The following STARD7 variants were observed in gnomAD, a reference collection of about 807,000 sequenced individuals.
STARD7 encodes StAR related lipid transfer domain containing 7.
Under a neutral mutation model 45.3 loss-of-function variants are expected in STARD7, and 30 were observed. The observed-to-expected ratio is 0.66, with a 90% CI of 0.50 to 0.90. The LOEUF (loss-of-function observed/expected upper bound fraction) is 0.90, where lower values mean the gene tolerates loss of function less well. STARD7 is among the 40% of genes least tolerant of loss of function. STARD7 has a pLI of 0.00. For synonymous variants in STARD7, 199 were observed against 183.0 expected (o/e 1.09, Z -0.70); for missense variants, 495 against 491.3 (o/e 1.01, Z -0.07).
chr2:96,186,769 G>T lies in STARD7; in HGVS notation c.1074C>A (p.Asn358Lys). ...KATSQSSERK[N>K]EGSCGPARIE... ...TCCGAGCAGGGCCACAGCTGCCCTC[G>T]TTCTTTCGCTCAGAGGACTGGCTGG... Residue 358 changes from asparagine (N) to lysine (K), a missense_variant, in exon 8 of 8, where the codon AAC becomes AAA. Transcript: ENST00000337288. 6.2e-7 allele frequency: 1 copy of T among 1,613,572 alleles called. No individual in the cohort carries two copies. The highest frequency in any genetic ancestry group is 1.1e-5 in the South Asian group (1 of 90,972).
At chr2:96,204,629 T>C (rs1381581482) in intron 1 of STARD7, among the ~76,000 whole-genome samples, 1 of 151,522 alleles carries the variant, frequency 6.6e-6, no homozygotes, top group Non-Finnish European at 1.5e-5. Context: ...CTAGGGCAAC[T>C]AGTTAATGGT....
chr2:96,205,803 A>C (rs997273274), intron 1 of STARD7, among the ~76,000 whole-genome samples: 1 of 152,238 alleles, frequency 6.6e-6, no homozygotes, highest in Non-Finnish European at 1.5e-5. Flanking sequence ...GTTGAATAGC[A>C]TATTTGCCTT....
At position 96,193,299 on chromosome 2, in the gene STARD7, C is replaced by A. The variant is rs1232853873; in HGVS notation, c.603G>T (p.Val201=). The A allele has an allele frequency of 6.8e-6, 11 of 1,613,844 alleles. No homozygotes were observed. The highest frequency in any genetic ancestry group is 1.3e-5 in the African/African-American group (1 of 74,928). The change falls in exon 4 of 8, where the codon GTG becomes GTT. Residue 201 remains valine, a synonymous_variant. Transcript: ENST00000337288. The part of the protein sequence containing the change: ...KWDALVIKLE[V]IERDVVSGSE... ...AACCACTAACCACATCCCTCTCAAT[C>A]ACCTCCAGCTTGATTACCAGGGCAT...
chr2:96,199,607 G>A (rs1486709399), intron 1 of STARD7, among the ~76,000 whole-genome samples: 1 of 150,054 alleles, frequency 6.7e-6, no homozygotes, highest in African/African-American at 2.5e-5. Flanking sequence ...GCTGCAAATA[G>A]AGATAGTTTT....
intron 6 of STARD7, among the ~76,000 whole-genome samples, chr2:96,191,279 G>GA (rs1333932990): frequency 6.6e-6 from 1 of 152,190 alleles, no homozygotes; most frequent in Non-Finnish European, 1.5e-5. Flanking sequence ...AGTGAGAAAG[G>GA]AAATGGGAAA....
Position 96,184,989 on chromosome 2 carries a change from G to C in STARD7, c.*1741C>G, listed in dbSNP as rs1377966052. On this transcript the variant is annotated 3_prime_UTR_variant, in exon 8 of 8. Transcript: ENST00000337288. ...CAAGTGCAGAATCAAATTGCCCTAA[G>C]TCAGAACATGGAGCAACCGCAACTC... 2.6e-5 allele frequency: 4 copies of C among 152,608 alleles called. No individual in the cohort carries two copies. The highest frequency in any genetic ancestry group is 7.2e-5 in the African/African-American group (3 of 41,452). 9.5% of individuals were successfully genotyped at this position (152,608 alleles called of 1,614,324 possible).
At position 96,195,321 on chromosome 2, in the gene STARD7, G is replaced by C; in HGVS notation, c.499+20C>G. 1 of 1,549,812 alleles carries C rather than the reference G, an allele frequency of 6.5e-7. No homozygotes were observed. The highest frequency in any genetic ancestry group is 8.7e-7 in the Non-Finnish European group (1 of 1,145,350). On this transcript the variant is annotated intron_variant, in intron 2 of 7. Coordinates refer to ENST00000337288, the MANE Select transcript of STARD7 (RefSeq NM_020151.4). ...ACCTGTGCAACTATGGAACCCAAAA[G>C]ATAGCCACACTGGGCTCACCTCGGT...
At chr2:96,189,188 A>G (rs549187841) in intron 6 of STARD7, among the ~76,000 whole-genome samples, 2 of 152,198 alleles carry the variant, frequency 1.3e-5, no homozygotes, top group South Asian at 4.1e-4. Flanking sequence ...GGCTAAAGAG[A>G]TCCTCCTGCC....
At chr2:96,197,103 A>AC (rs1683230748) in intron 1 of STARD7, among the ~76,000 whole-genome samples, 1 of 145,524 alleles carries the variant, frequency 6.9e-6, no homozygotes, top group Non-Finnish European at 1.5e-5. Context: ...AAATAAAATA[A>AC]AATAAAATAA....
At chr2:96,201,982 G>A (rs919869409) in intron 1 of STARD7, among the ~76,000 whole-genome samples, 2 of 152,070 alleles carry the variant, frequency 1.3e-5, no homozygotes, top group African/African-American at 4.8e-5. Flanking sequence ...AAGTGAGGAC[G>A]TTATTTCTTG....
Position 96,208,454 on chromosome 2 carries a change from G to A in STARD7, c.-20C>T, listed in dbSNP as rs1191561343. 7.4e-7 allele frequency: 1 copy of A among 1,358,148 alleles called. No homozygotes were observed. Among genetic ancestry groups the A allele is most frequent in the African/African-American group, 1.5e-5 (1 of 65,198 alleles). The allele number at this position is 1,358,148 out of a possible 1,614,324, so 84.1% of individuals were successfully genotyped here. On this transcript the variant is annotated 5_prime_UTR_variant, in exon 1 of 8. Coordinates refer to ENST00000337288, the MANE Select transcript of STARD7 (RefSeq NM_020151.4). ...GAGCATGCCGCCTCCCGCAGGGCCC[G>A]CCGCGAGCTTCCGGGGCCCAAGGAA...
At chr2:96,206,546 A>C (rs1452050239) in intron 1 of STARD7, among the ~76,000 whole-genome samples, 1 of 151,998 alleles carries the variant, frequency 6.6e-6, no homozygotes, top group Non-Finnish European at 1.5e-5. Context: ...CACGCCTGTA[A>C]TCCCAGCACT....
At chr2:96,198,416 T>G (rs1203767866) in intron 1 of STARD7, among the ~76,000 whole-genome samples, 1 of 152,228 alleles carries the variant, frequency 6.6e-6, no homozygotes, top group Non-Finnish European at 1.5e-5. Context: ...AGGAGCAGAT[T>G]TGATGGATCA....
Position 96,208,394 on chromosome 2 carries a change from G to A in STARD7, c.41C>T (p.Thr14Met). 2.0e-6 allele frequency: 3 copies of A among 1,465,960 alleles called. No homozygotes were observed. Among genetic ancestry groups the A allele is most frequent in the East Asian group, 2.9e-5 (1 of 34,176 alleles). 90.8% of individuals were successfully genotyped at this position (1,465,960 alleles called of 1,614,324 possible). A position where few individuals can be genotyped will look rare whatever the true frequency, so the allele number is the denominator to read the frequency against. Residue 14 changes from threonine (T) to methionine (M), a missense_variant, in exon 1 of 8, where the codon ACG becomes ATG. Transcript: ENST00000337288. ...AAGCGCCAGCAGGCCCCCGCCCCGC[G>A]TCCCCGCCAGCCAGGCGGCCAGCAG... ...RRLLAAWLAG[T>M]RGGGLLALLA...
chr2:96,201,192 T>C (rs1015855884), intron 1 of STARD7, among the ~76,000 whole-genome samples: 19 of 151,800 alleles, frequency 1.3e-4, no homozygotes, highest in African/African-American at 4.4e-4. Context: ...CATGTCCTGG[T>C]AAACATTACA....
At chr2:96,192,870 C>CA (rs746162464) in intron 5 of STARD7, among the ~76,000 whole-genome samples, 16 of 151,970 alleles carry the variant, frequency 1.1e-4, no homozygotes, top group Non-Finnish European at 1.8e-4. Context: ...TTAAAGAACC[C>CA]AAAAAAACAG....
In STARD7 at chr2:96,197,064, C is replaced by CACAAAACAAA. The variant is rs1438751407; in HGVS notation, c.291-1516_291-1515insTTTGTTTTGT. Among the ~76,000 whole-genome samples, 30 of 54,386 alleles carry CACAAAACAAA rather than the reference C, an allele frequency of 5.5e-4. 1 individual carries two copies. Among genetic ancestry groups the CACAAAACAAA allele is most frequent in the Non-Finnish European group, 1.0e-3 (25 of 23,956 alleles). The allele number at this position is 54,386 out of a possible 152,430, so 35.7% of individuals were successfully genotyped here. On this transcript the variant is annotated intron_variant, in intron 1 of 7. Coordinates refer to ENST00000337288, the MANE Select transcript of STARD7 (RefSeq NM_020151.4). The stretch of plus-strand genomic sequence containing the variant: ...CTGGGCAACAAGAGCGAAACTCCGT[C>CACAAAACAAA]TCAAAATAAAATAAAATAAAATAAA...
Position 96,208,455 on chromosome 2 carries a change from C to T in STARD7, c.-21G>A, listed in dbSNP as rs1467868267. ...AGCATGCCGCCTCCCGCAGGGCCCG[C>T]CGCGAGCTTCCGGGGCCCAAGGAAC... On this transcript the variant is annotated 5_prime_UTR_variant, in exon 1 of 8. Transcript: ENST00000337288. 4.4e-6 allele frequency: 6 copies of T among 1,358,088 alleles called. No individual in the cohort carries two copies. The South Asian group carries it at 7.3e-5, about 17-fold the overall frequency. The allele number at this position is 1,358,088 out of a possible 1,614,324, so 84.1% of individuals were successfully genotyped here.
At chr2:96,198,957 T>C (rs1294985538) in intron 1 of STARD7, among the ~76,000 whole-genome samples, 2 of 152,208 alleles carry the variant, frequency 1.3e-5, no homozygotes, top group Non-Finnish European at 2.9e-5. Flanking sequence ...CCCAGTGAAC[T>C]ATCCTGGCAT....
Sources: gnomAD v4.1 joint callset for allele counts (sites outside exome capture counted in the v4.1 genomes callset) on GRCh38, gnomAD v4.1.1 for gene constraint, MANE v1.5 for transcripts, NCBI Gene and HGNC (gene_info 2026-07-23, HGNC 2026-07-21) for gene names.